Variants in DYNC1H1 observed in about 807,000 individuals in gnomAD.
The protein encoded by DYNC1H1 is dynein cytoplasmic 1 heavy chain 1.
A neutral mutation model predicts 527.1 loss-of-function variants in DYNC1H1; 51 were observed. That is an observed-to-expected ratio of 0.10 (90% confidence interval 0.08 to 0.12). The LOEUF is 0.12. Ranked by LOEUF, DYNC1H1 falls within the 10% of genes least tolerant of loss-of-function variation. The pLI, the probability that DYNC1H1 is intolerant of heterozygous loss-of-function variation, is 1.00. For missense variants in DYNC1H1, 2,771 were observed against 5,971.8 expected (o/e 0.46, Z 17.66); for synonymous variants, 2,189 against 2,278.8 (o/e 0.96, Z 1.12).
intron 5 of DYNC1H1, among the ~76,000 whole-genome samples, chr14:101,981,720 A>G (rs143404958): frequency 2.0e-5 from 3 of 152,346 alleles, no homozygotes; most frequent in African/African-American, 7.2e-5. Context: ...CTATGCTGAA[A>G]TGTATACTTT....
At chr14:101,969,777 T>A (rs79048216) in intron 1 of DYNC1H1, among the ~76,000 whole-genome samples, 1 of 152,260 alleles carries the variant, frequency 6.6e-6, no homozygotes, top group Non-Finnish European at 1.5e-5. Context: ...TGTAGCATAG[T>A]AAACGAAATT....
At chr14:101,971,318 C>T (rs886325110) in intron 1 of DYNC1H1, among the ~76,000 whole-genome samples, 2 of 151,930 alleles carry the variant, frequency 1.3e-5, no homozygotes, top group Non-Finnish European at 2.9e-5. Context: ...GAGTGATCCA[C>T]CCACCTTGGC....
chr14:101,971,235 T>G (rs1288723263), intron 1 of DYNC1H1, among the ~76,000 whole-genome samples: 1 of 151,340 alleles, frequency 6.6e-6, no homozygotes, highest in African/African-American at 2.4e-5. Context: ...CACCACGCTC[T>G]GCTAATTTTT....
At position 102,038,379 on chromosome 14, in the gene DYNC1H1, G is replaced by T; in HGVS notation, c.10909-81G>T. ...GCTTTTGGGAAGGTATGCTTATCCAGAGTAGGACAGCAACATAGCATTTGG... is the reference window on the plus strand; with the variant it reads ...GCTTTTGGGAAGGTATGCTTATCCATAGTAGGACAGCAACATAGCATTTGG... On this transcript the variant is annotated intron_variant, in intron 57 of 77. Coordinates refer to ENST00000360184, the MANE Select transcript of DYNC1H1 (RefSeq NM_001376.5). This position sits in a 1 kb window ranked among gnomAD's most constrained non-coding sequence, Gnocchi z 7.2. 1 of 1,577,544 alleles carries T rather than the reference G, an allele frequency of 6.3e-7. No homozygotes were observed. Among genetic ancestry groups the T allele is most frequent in the South Asian group, 1.1e-5 (1 of 87,350 alleles).
In DYNC1H1 at chr14:102,048,953, G is replaced by A; in HGVS notation, c.13372+284G>A. On this transcript the variant is annotated intron_variant, in intron 74 of 77. Transcript: ENST00000360184. ...TCCAAGACGACAGTGAATGGGGAAT[G>A]TGGTGGTCCAGGATGGTGACAGACG... The A allele has an allele frequency of 8.3e-6, 4 of 484,702 alleles. No homozygotes were observed. The East Asian group carries it at 1.2e-4, about 15-fold the overall frequency. The allele number at this position is 484,702 out of a possible 1,614,324, so 30.0% of individuals were successfully genotyped here.
chr14:102,037,444 A>G, intron 57 of DYNC1H1: 1 of 152,024 alleles, frequency 6.6e-6, no homozygotes, highest in Non-Finnish European at 1.5e-5. Context: ...AAAAAAAAGA[A>G]CAAGAAAAAT....
Position 102,005,949 on chromosome 14 carries a change from A to G in DYNC1H1, c.5495A>G (p.Asn1832Ser), listed in dbSNP as rs1446476604. ...TCCTTGATCAAAAGCAAGATTGACAACGCCAAATCTTTTGAATGGCTCAGC... is the reference window on the plus strand; with the variant it reads ...TCCTTGATCAAAAGCAAGATTGACAGCGCCAAATCTTTTGAATGGCTCAGC... ...TRSLIKSKIDNAKSFEWLSQM... is the reference protein window; with the variant it reads ...TRSLIKSKIDSAKSFEWLSQM... Residue 1832 changes from asparagine (N) to serine (S), a missense_variant, in exon 27 of 78, where the codon AAC becomes AGC. Coordinates refer to ENST00000360184, the MANE Select transcript of DYNC1H1 (RefSeq NM_001376.5). This position sits in a 1 kb window ranked among gnomAD's most constrained non-coding sequence, Gnocchi z 4.0. 5 of 1,614,152 alleles carry G rather than the reference A, an allele frequency of 3.1e-6. No individual in the cohort carries two copies. The highest frequency in any genetic ancestry group is 4.2e-6 in the Non-Finnish European group (5 of 1,180,064).
rs1407177973 is a variant in DYNC1H1 at position 102,039,292 on chromosome 14, C to T, written c.11460+38C>T. 1.2e-6 allele frequency: 2 copies of T among 1,611,392 alleles called. No homozygotes were observed. Among genetic ancestry groups the T allele is most frequent in the Admixed American group, 3.3e-5 (2 of 59,866 alleles). Reference sequence around the variant, plus strand: ...GCCATGCAGAGACTGGCGGGCCCCGCACAGTAGCTCCTTGGCCGCACAGAG... The same window carrying T: ...GCCATGCAGAGACTGGCGGGCCCCGTACAGTAGCTCCTTGGCCGCACAGAG... On this transcript the variant is annotated intron_variant, in intron 60 of 77. Transcript: ENST00000360184. This position sits in a 1 kb window ranked among gnomAD's most constrained non-coding sequence, Gnocchi z 7.0.
In DYNC1H1 at chr14:102,049,078, C is replaced by G; in HGVS notation, c.13373-362C>G. The G allele has an allele frequency of 4.7e-6, 2 of 428,040 alleles. No individual in the cohort carries two copies. The highest frequency in any genetic ancestry group is 8.7e-6 in the Non-Finnish European group (2 of 228,740). 26.5% of individuals were successfully genotyped at this position (428,040 alleles called of 1,614,324 possible). On this transcript the variant is annotated intron_variant, in intron 74 of 77. Transcript: ENST00000360184. The surrounding 1 kb of genome is among the most constrained non-coding windows in gnomAD (Gnocchi z 5.5). ...GCTCATCCAAAGTTGTGGGGAGCCC[C>G]CAGCATCCTCCTGTTTGCCCCAAAA...
At chr14:102,004,060 T>C (rs1325152418) in intron 23 of DYNC1H1, among the ~76,000 whole-genome samples, 1 of 151,394 alleles carries the variant, frequency 6.6e-6, no homozygotes, top group East Asian at 2.0e-4. Context: ...GCTAACATGG[T>C]GAAACCCCGT....
At chr14:101,972,093 G>T (rs531172775) in intron 1 of DYNC1H1, among the ~76,000 whole-genome samples, 5 of 152,194 alleles carry the variant, frequency 3.3e-5, no homozygotes, top group African/African-American at 1.2e-4. Context: ...TACTGAAAGT[G>T]GTATTACTTA....
intron 48 of DYNC1H1, chr14:102,028,438 C>G (rs2048474851): frequency 2.6e-6 from 1 of 387,416 alleles, no homozygotes; most frequent in Non-Finnish European, 4.9e-6. Flanking sequence ...TCACTTAAGC[C>G]CAGGAGGCAG....
At chr14:101,991,725 C>T (rs1320164194) in intron 11 of DYNC1H1, 52 bp downstream of exon 11, 1 of 1,607,680 alleles carries the variant, frequency 6.2e-7, no homozygotes, top group Non-Finnish European at 8.5e-7. Context: ...CTCTCATGGG[C>T]TCTGTGATAC....
intron 51 of DYNC1H1, among the ~76,000 whole-genome samples, chr14:102,031,692 C>T (rs963800113): frequency 6.6e-6 from 1 of 152,050 alleles, no homozygotes; most frequent in African/African-American, 2.4e-5. Flanking sequence ...CAGTGGCTCA[C>T]GCCTGTAATC....
chr14:101,991,062 G>T (rs2047992777), intron 10 of DYNC1H1, among the ~76,000 whole-genome samples: 1 of 151,646 alleles, frequency 6.6e-6, no homozygotes. Context: ...GCACGCCTGT[G>T]GTCCCGGCTA....
intron 34 of DYNC1H1, among the ~76,000 whole-genome samples, chr14:102,014,223 C>T (rs2048293330): frequency 6.6e-6 from 1 of 152,172 alleles, no homozygotes; most frequent in African/African-American, 2.4e-5. Context: ...CCCAGCAAGT[C>T]ACCTGCGCCA....
chr14:101,995,886 C>T (rs1039517906), intron 15 of DYNC1H1, among the ~76,000 whole-genome samples: 18 of 151,840 alleles, frequency 1.2e-4, no homozygotes, highest in African/African-American at 1.2e-4. Context: ...CATAGTGAAA[C>T]CCCATCTCTA....
intron 5 of DYNC1H1, 37 bp from the exon 6 acceptor site, chr14:101,982,982 T>A (rs537055652): frequency 8.1e-6 from 13 of 1,608,710 alleles, no homozygotes; most frequent in Middle Eastern, 1.7e-4. Context: ...TTTGTTACTT[T>A]ATGTGAAAAC....
chr14:102,005,391 CCT>C lies in DYNC1H1; in HGVS notation c.5433+156_5433+157del, dbSNP rs2048185582. Among the ~76,000 whole-genome samples, 2 of 152,210 alleles carry C rather than the reference CCT, an allele frequency of 1.3e-5. No individual in the cohort carries two copies. Among genetic ancestry groups the C allele is most frequent in the African/African-American group, 4.8e-5 (2 of 41,448 alleles). On this transcript the variant is annotated intron_variant, in intron 26 of 77. Transcript: ENST00000360184. This position sits in a 1 kb window ranked among gnomAD's most constrained non-coding sequence, Gnocchi z 4.0. ...TCCTCTGAGGGTGGGCATTTGGCTC[CCT>C]GTCCCTGTTGAAAGGTAATCTCAGG...
Sources: allele counts gnomAD v4.1 joint callset (sites outside exome capture counted in the v4.1 genomes callset), GRCh38; gene constraint gnomAD v4.1.1; non-coding constraint Gnocchi (gnomAD v3.1); transcripts MANE v1.5; gene names NCBI Gene and HGNC (gene_info 2026-07-23, HGNC 2026-07-21).